The following KCNIP4 variants were observed in gnomAD, a reference collection of about 807,000 sequenced individuals.
The protein encoded by KCNIP4 is Kv channel-interacting protein 4.
Under a neutral mutation model 34.0 loss-of-function variants are expected in KCNIP4, and 12 were observed. That is an observed-to-expected ratio of 0.35 (90% CI 0.23 to 0.57). The LOEUF (loss-of-function observed/expected upper bound fraction) is 0.57, where lower values mean the gene tolerates loss of function less well. Among genes scored for constraint, KCNIP4 ranks in the 20% least tolerant of loss-of-function variants. KCNIP4 has a pLI of 0.83. For synonymous variants in KCNIP4, 124 were observed against 102.2 expected (o/e 1.21, Z -1.29); for missense variants, 238 against 311.7 (o/e 0.76, Z 1.78).
intron 1 of KCNIP4, among the ~76,000 whole-genome samples, chr4:21,838,291 ACTT>A (rs1184087706): frequency 6.6e-6 from 1 of 152,176 alleles, no homozygotes; most frequent in Non-Finnish European, 1.5e-5. Context: ...GAGTGCCAGA[ACTT>A]CTGCCAAGCT....
chr4:21,531,362 TCCC>T lies in KCNIP4; in HGVS notation c.61+417206_61+417208del, dbSNP rs1560493016. On this transcript the variant is annotated intron_variant, in intron 1 of 8. Transcript: ENST00000382152. ...CTTCCCCTCCCCCTCCCTCCCTCCCTCCCTCCCTTCCTTCCTTCCTTTTTCTTT... is the reference window on the plus strand; with the variant it reads ...CTTCCCCTCCCCCTCCCTCCCTCCCTTCCCTTCCTTCCTTCCTTTTTCTTT... Among the ~76,000 whole-genome samples, 45 of 62,582 alleles carry T rather than the reference TCCC, an allele frequency of 7.2e-4. 1 individual carries two copies. Among genetic ancestry groups the T allele is most frequent in the African/African-American group, 2.7e-3 (43 of 15,652 alleles). 41.1% of individuals were successfully genotyped at this position (62,582 alleles called of 152,430 possible).
chr4:21,185,873 G>T (rs1176600506), intron 1 of KCNIP4, among the ~76,000 whole-genome samples: 3 of 152,148 alleles, frequency 2.0e-5, no homozygotes, highest in African/African-American at 7.2e-5. Context: ...AATTGCCACT[G>T]CCTGGGCACA....
chr4:21,388,045 A>G (rs1027295840), intron 1 of KCNIP4, among the ~76,000 whole-genome samples: 37 of 148,940 alleles, frequency 2.5e-4, no homozygotes, highest in Admixed American at 2.1e-3. Context: ...TTGCAATAGT[A>G]GGGACAGCTA....
chr4:20,789,181 T>A (rs778079021), intron 3 of KCNIP4, among the ~76,000 whole-genome samples: 1 of 152,164 alleles, frequency 6.6e-6, no homozygotes, highest in Non-Finnish European at 1.5e-5. Context: ...TATTTCTACA[T>A]GTTAAAAACT....
At chr4:20,918,705 C>A (rs1324440372) in intron 1 of KCNIP4, among the ~76,000 whole-genome samples, 1 of 152,216 alleles carries the variant, frequency 6.6e-6, no homozygotes, top group East Asian at 1.9e-4. Flanking sequence ...CTCCTTTCCT[C>A]TCCTCCCTGT....
At chr4:21,665,515 C>G (rs1016061031) in intron 1 of KCNIP4, among the ~76,000 whole-genome samples, 5 of 149,720 alleles carry the variant, frequency 3.3e-5, no homozygotes, top group South Asian at 2.1e-4. Flanking sequence ...CAGGGCACCC[C>G]CCCCCCCTCA....
intron 1 of KCNIP4, among the ~76,000 whole-genome samples, chr4:20,996,362 G>T (rs996826722): frequency 2.0e-5 from 3 of 152,144 alleles, no homozygotes; most frequent in Admixed American, 6.6e-5. Flanking sequence ...TTATATTCGG[G>T]ATAACATTCA....
intron 1 of KCNIP4, among the ~76,000 whole-genome samples, chr4:21,015,359 AT>A (rs1239486873): frequency 1.4e-5 from 2 of 138,568 alleles, no homozygotes; most frequent in East Asian, 4.2e-4. Flanking sequence ...ATGATACTCT[AT>A]TTTTTTCTTC....
chr4:21,338,264 C>CAAAA (rs869150288), intron 1 of KCNIP4, among the ~76,000 whole-genome samples: 15 of 50,010 alleles, frequency 3.0e-4, no homozygotes, highest in East Asian at 4.4e-4. Context: ...GACTCCTTCT[C>CAAAA]AAAAAAAAAA....
chr4:20,961,443 G>A lies in KCNIP4; in HGVS notation c.62-78734C>T, dbSNP rs116439248. Reference sequence around the variant, plus strand: ...AGAAATGAATACACTGATCTCTTGCGAAGAATGAAAAAGCCCCAAAACTCA... The same window carrying A: ...AGAAATGAATACACTGATCTCTTGCAAAGAATGAAAAAGCCCCAAAACTCA... On this transcript the variant is annotated intron_variant, in intron 1 of 8. Coordinates refer to ENST00000382152, the MANE Select transcript of KCNIP4 (RefSeq NM_025221.6). 4.1e-3 allele frequency among the ~76,000 whole-genome samples: 629 copies of A among 152,068 alleles called. 5 individuals carry two copies. The highest frequency in any genetic ancestry group is 0.014 in the African/African-American group (585 of 41,482).
At position 21,092,881 on chromosome 4, in the gene KCNIP4, G is replaced by A. The variant is rs535219280; in HGVS notation, c.62-210172C>T. ...AATGTGAATAGTACTACTACAGACA[G>A]GTGGACCAACATGATCTGAAAGCAC... On this transcript the variant is annotated intron_variant, in intron 1 of 8. Transcript: ENST00000382152. Among the ~76,000 whole-genome samples, 118 of 152,294 alleles carry A rather than the reference G, an allele frequency of 7.7e-4. 1 individual carries two copies. The highest frequency in any genetic ancestry group is 6.8e-3 in the Middle Eastern group (2 of 294).
chr4:21,867,016 T>G (rs10938863), intron 1 of KCNIP4, among the ~76,000 whole-genome samples: 1 of 152,032 alleles, frequency 6.6e-6, no homozygotes, highest in East Asian at 1.9e-4. Context: ...TGTGATCCAA[T>G]GGCCTCGGCT....
rs1756425015 is a variant in KCNIP4 at position 20,776,977 on chromosome 4, AGT to A, written c.289-18089_289-18088del. Among the ~76,000 whole-genome samples the A allele has an allele frequency of 1.3e-5, 2 of 152,288 alleles. 1 individual carries two copies. Among genetic ancestry groups the A allele is most frequent in the African/African-American group, 4.8e-5 (2 of 41,566 alleles). On this transcript the variant is annotated intron_variant, in intron 3 of 8. Coordinates refer to ENST00000382152, the MANE Select transcript of KCNIP4 (RefSeq NM_025221.6). ...GAAATGTTTTATGCTATAGACTGAA[AGT>A]GTGTGTGGCCTCCAAATTCATATGT...
At chr4:21,840,903 C>T (rs1226522556) in intron 1 of KCNIP4, among the ~76,000 whole-genome samples, 2 of 152,110 alleles carry the variant, frequency 1.3e-5, no homozygotes. Context: ...TTCTTTATTG[C>T]TTATGTCATG....
At chr4:21,770,447 T>C (rs1386044805) in intron 1 of KCNIP4, among the ~76,000 whole-genome samples, 1 of 152,162 alleles carries the variant, frequency 6.6e-6, no homozygotes, top group Non-Finnish European at 1.5e-5. Flanking sequence ...GCAGAATGAT[T>C]TATATTCCTT....
At chr4:21,829,617 T>C (rs1321911683) in intron 1 of KCNIP4, among the ~76,000 whole-genome samples, 3 of 151,982 alleles carry the variant, frequency 2.0e-5, no homozygotes, top group African/African-American at 7.2e-5. Context: ...TTGTCCTCAG[T>C]TTAAAATAGC....
At chr4:21,556,039 CA>C (rs561321667) in intron 1 of KCNIP4, among the ~76,000 whole-genome samples, 51 of 152,202 alleles carry the variant, frequency 3.4e-4, no homozygotes, top group African/African-American at 1.2e-3. Flanking sequence ...TTTTGTGCCT[CA>C]ATATCCTATT....
chr4:21,921,550 T>C (rs975161593), intron 1 of KCNIP4, among the ~76,000 whole-genome samples: 44 of 152,182 alleles, frequency 2.9e-4, no homozygotes, highest in Non-Finnish European at 4.4e-4. Flanking sequence ...AATTGGTTTT[T>C]CAGCCCCTTT....
At chr4:21,083,096 T>C (rs1746142848) in intron 1 of KCNIP4, among the ~76,000 whole-genome samples, 1 of 151,842 alleles carries the variant, frequency 6.6e-6, no homozygotes. Context: ...CCTCATCATA[T>C]TGCCTTGCTT....
Sources: allele counts gnomAD v4.1 joint callset (sites outside exome capture counted in the v4.1 genomes callset), GRCh38; gene constraint gnomAD v4.1.1; transcripts MANE v1.5; gene names NCBI Gene and HGNC (gene_info 2026-07-23, HGNC 2026-07-21).